Variants in CCDC39 observed in about 807,000 individuals in gnomAD.
CCDC39 encodes coiled-coil domain-containing protein 39.
CCDC39 carries 113 observed loss-of-function variants against 121.0 expected under a neutral mutation model. The ratio of observed to expected loss-of-function variants is 0.93; its 90% confidence interval spans 0.80 to 1.09. The LOEUF (loss-of-function observed/expected upper bound fraction) is 1.09. CCDC39 is among the 50% of genes least tolerant of loss of function. CCDC39 has a pLI of 0.00. For synonymous variants in CCDC39, 349 were observed against 352.2 expected (o/e 0.99, Z 0.10); for missense variants, 1,063 against 1,074.7 (o/e 0.99, Z 0.15).
rs779891944 is a variant in CCDC39, at chr3:180,631,634, T to C, written c.1875-42A>G. 1.2e-5 allele frequency: 19 copies of C among 1,539,676 alleles called. No homozygotes were observed. The East Asian group carries it at 3.7e-4, about 30-fold the overall frequency. On this transcript the variant is annotated intron_variant, in intron 13 of 19. Transcript: ENST00000476379. The stretch of plus-strand genomic sequence containing the variant: ...ACACTGAGAAATGAATAACATACTT[T>C]ACAATTTTTAAAGGACTATCAAGTG...
chr3:180,647,183 C>T lies in CCDC39; in HGVS notation c.1423G>A (p.Glu475Lys), dbSNP rs1307116935. 2 of 1,610,962 alleles carry T rather than the reference C, an allele frequency of 1.2e-6. No homozygotes were observed. The highest frequency in any genetic ancestry group is 3.3e-5 in the Admixed American group (2 of 59,730). Residue 475 changes from glutamate to lysine, a missense_variant, in exon 11 of 20, where the codon GAA becomes AAA. Glu to Lys is a moderately conservative substitution (Grantham distance 56). Coordinates refer to ENST00000476379, the MANE Select transcript of CCDC39 (RefSeq NM_181426.2). ...MSRLKGEINSEEKQALEAKIV... is the reference protein window; with the variant it reads ...MSRLKGEINSKEKQALEAKIV... ...TTTGCTTCAAGCGCTTGTTTTTCTT[C>T]TGAATTAATTTCTCCCTTTAACCGT...
Position 180,679,395 on chromosome 3 carries a change from A to G in CCDC39, c.-15T>C. ...TCGCTACTCATGACTGCAAACGGAT[A>G]GAGAAGATACAGAGCAAAGATCCGC... On this transcript the variant is annotated 5_prime_UTR_variant, in exon 1 of 20. Coordinates refer to ENST00000476379, the MANE Select transcript of CCDC39 (RefSeq NM_181426.2). The surrounding 1 kb of genome is among the most constrained non-coding windows in gnomAD (Gnocchi z 4.0). 1 of 1,611,018 alleles carries G rather than the reference A, an allele frequency of 6.2e-7. No individual in the cohort carries two copies. The highest frequency in any genetic ancestry group is 8.5e-7 in the Non-Finnish European group (1 of 1,177,242).
At chr3:180,651,239 A>G (rs1164483157) in intron 9 of CCDC39, among the ~76,000 whole-genome samples, 162 bp downstream of exon 9, 1 of 152,076 alleles carries the variant, frequency 6.6e-6, no homozygotes, top group Non-Finnish European at 1.5e-5. Flanking sequence ...ATAACTTCAG[A>G]AGCAATGCAT....
chr3:180,646,320 T>A (rs1718066867), intron 11 of CCDC39, among the ~76,000 whole-genome samples: 1 of 151,850 alleles, frequency 6.6e-6, no homozygotes, highest in African/African-American at 2.4e-5. Context: ...TTTGCAGCCC[T>A]CAAGGAATTT....
rs1313696540 is a variant in CCDC39, at chr3:180,619,290, CTTTG to C, written c.2230_2233del (p.Gln744AspfsTer17). ...GTCTTCTTGAAGTTCTCTGATTTGT[CTTTG>C]TTTGTATCTGTATTTTTCATCAACA... On this transcript the variant is annotated frameshift_variant, in exon 16 of 20. Coordinates refer to ENST00000476379, the MANE Select transcript of CCDC39 (RefSeq NM_181426.2). LOFTEE classifies it high-confidence loss of function. 7 of 1,544,776 alleles carry C rather than the reference CTTTG, an allele frequency of 4.5e-6. No individual in the cohort carries two copies. The highest frequency in any genetic ancestry group is 6.1e-6 in the Non-Finnish European group (7 of 1,141,314).
chr3:180,615,156 A>G, intron 19 of CCDC39, 79 bp from the exon 20 acceptor site: 1 of 1,064,632 alleles, frequency 9.4e-7, no homozygotes, highest in Non-Finnish European at 1.3e-6. Context: ...GGCAAAAGGT[A>G]CCATAATTCC....
chr3:180,641,748 T>C (rs1717959011), intron 13 of CCDC39, among the ~76,000 whole-genome samples: 2 of 152,092 alleles, frequency 1.3e-5, no homozygotes, highest in Admixed American at 1.3e-4. Context: ...CCACAAACCA[T>C]ACATAAAAAG....
intron 1 of CCDC39, among the ~76,000 whole-genome samples, chr3:180,665,255 G>A (rs988185474): frequency 1.3e-5 from 2 of 152,140 alleles, no homozygotes; most frequent in African/African-American, 4.8e-5. Flanking sequence ...AAACAAAACT[G>A]TGTAAATGTT....
At chr3:180,678,725 T>G (rs1186484612) in intron 1 of CCDC39, among the ~76,000 whole-genome samples, 2 of 152,086 alleles carry the variant, frequency 1.3e-5, no homozygotes, top group African/African-American at 4.8e-5. Flanking sequence ...ACGTAAAATT[T>G]CTTATGTTAA....
intron 13 of CCDC39, among the ~76,000 whole-genome samples, chr3:180,632,405 T>C (rs1366448061): frequency 1.3e-5 from 2 of 152,192 alleles, no homozygotes; most frequent in African/African-American, 2.4e-5. Flanking sequence ...GTAAGCTCTC[T>C]AACCATGGTG....
intron 6 of CCDC39, among the ~76,000 whole-genome samples, chr3:180,658,607 AAG>A (rs1229098742): frequency 6.6e-6 from 1 of 152,080 alleles, no homozygotes; most frequent in African/African-American, 2.4e-5. Context: ...AAAAAAAAAA[AAG>A]AGAGAATTAA....
intron 1 of CCDC39, among the ~76,000 whole-genome samples, chr3:180,677,169 TATATATA>T (rs1560097212): frequency 1.1e-3 from 5 of 4,558 alleles, no homozygotes; most frequent in East Asian, 0.026. Context: ...ATAATAATTT[TATATATA>T]TATATATATA....
chr3:180,640,447 A>G (rs1213627742), intron 13 of CCDC39, among the ~76,000 whole-genome samples: 1 of 152,030 alleles, frequency 6.6e-6, no homozygotes, highest in African/African-American at 2.4e-5. Flanking sequence ...TAGTAAAGGC[A>G]AGATCAGAAA....
In CCDC39 at chr3:180,643,694, T is replaced by C. The variant is rs796240560; in HGVS notation, c.1665+426A>G. On this transcript the variant is annotated intron_variant, in intron 12 of 19. Transcript: ENST00000476379. ...TGAATCATAATTATATAGCTAGGAA[T>C]TTATCCAAAGGAACTAACTGAATAA... Among the ~76,000 whole-genome samples the C allele has an allele frequency of 1.2e-4, 19 of 152,250 alleles. 2 individuals are homozygous for C. The highest frequency in any genetic ancestry group is 4.6e-4 in the African/African-American group (19 of 41,542).
At chr3:180,652,663 T>C (rs2108425097) in intron 7 of CCDC39, among the ~76,000 whole-genome samples, 1 of 152,272 alleles carries the variant, frequency 6.6e-6, no homozygotes, top group South Asian at 2.1e-4. Context: ...AACTACATTT[T>C]ACTGTTAATC....
chr3:180,677,042 T>C (rs1382708969), intron 1 of CCDC39, among the ~76,000 whole-genome samples: 1 of 150,086 alleles, frequency 6.7e-6, no homozygotes, highest in Admixed American at 6.7e-5. Context: ...ATATACCTAA[T>C]GTAAATGATG....
At chr3:180,662,028 T>C in intron 2 of CCDC39, 21 bp from the exon 3 acceptor site, 2 of 1,516,692 alleles carry the variant, frequency 1.3e-6, no homozygotes, top group Non-Finnish European at 1.8e-6. Context: ...ACACACAAGA[T>C]AAAAAGGCTT....
intron 8 of CCDC39, among the ~76,000 whole-genome samples, chr3:180,651,888 T>G (rs1007215044): frequency 2.0e-5 from 3 of 152,020 alleles, no homozygotes; most frequent in Non-Finnish European, 2.9e-5. Context: ...ATACAAAAAA[T>G]TAGCTGGGCC....
At chr3:180,647,363 A>C (rs1450513771) in intron 10 of CCDC39, 120 bp from the exon 11 acceptor site, 3 of 811,694 alleles carry the variant, frequency 3.7e-6, no homozygotes, top group Non-Finnish European at 5.6e-6. Context: ...TAATAAAGTC[A>C]CTTTAGTCTT....
Sources: gnomAD v4.1 joint callset for allele counts (sites outside exome capture counted in the v4.1 genomes callset) on GRCh38, gnomAD v4.1.1 for gene constraint, Gnocchi (gnomAD v3.1) non-coding constraint, MANE v1.5 for transcripts, NCBI Gene and HGNC (gene_info 2026-07-23, HGNC 2026-07-21) for gene names.